MBOAT7: variants seen among roughly 807,000 people sequenced by gnomAD.
The protein encoded by MBOAT7 is membrane bound acylglycerophosphatidylinositol O-acyltransferase MBOAT7, also known as membrane-bound acylglycerophosphatidylinositol O-acyltransferase MBOAT7.
Under a neutral mutation model 47.4 loss-of-function variants are expected in MBOAT7, and 40 were observed. That is an observed-to-expected ratio of 0.84 (90% confidence interval 0.66 to 1.10). MBOAT7 has a LOEUF of 1.10. MBOAT7 is among the 50% of genes least tolerant of loss of function. The pLI, the probability that MBOAT7 is intolerant of heterozygous loss-of-function variation, is 0.00. For synonymous variants in MBOAT7, 361 were observed against 292.0 expected, an observed-to-expected ratio of 1.24 and a Z score of -2.41; for missense variants, 680 against 655.6, an observed-to-expected ratio of 1.04 and a Z score of -0.41.
At chr19:54,188,839 C>A (rs1041084858) in intron 1 of MBOAT7, among the ~76,000 whole-genome samples, 2 of 152,158 alleles carry the variant, frequency 1.3e-5, no homozygotes, top group African/African-American at 4.8e-5. Context: ...CTCCCCGCAC[C>A]CATACTGGGG....
At position 54,173,970 on chromosome 19, in the gene MBOAT7, C is replaced by A. The variant is rs372068130; in HGVS notation, c.*74G>T. 6 of 1,480,214 alleles carry A rather than the reference C, an allele frequency of 4.1e-6. No individual in the cohort carries two copies. The highest frequency in any genetic ancestry group is 5.4e-6 in the Non-Finnish European group (6 of 1,112,078). 91.7% of individuals were successfully genotyped at this position (1,480,214 alleles called of 1,614,324 possible). A position where few individuals can be genotyped will look rare whatever the true frequency, so the allele number is the denominator to read the frequency against. On this transcript the variant is annotated 3_prime_UTR_variant, in exon 8 of 8. Transcript: ENST00000245615. ...CAGGACCCTCTCCAAGGTAAGGACT[C>A]TTTCTGGGGAGGAGACAGCAGCCTG... is the stretch of plus-strand genomic sequence containing the variant.
chr19:54,187,129 G>T, intron 4 of MBOAT7, 32 bp downstream of exon 4: 1 of 1,539,394 alleles, frequency 6.5e-7, no homozygotes. Flanking sequence ...CCACAGGGAG[G>T]CTGGAGGGGA....
intron 4 of MBOAT7, among the ~76,000 whole-genome samples, chr19:54,184,677 C>T (rs903519858): frequency 6.6e-6 from 1 of 151,936 alleles, no homozygotes; most frequent in Admixed American, 6.6e-5. Context: ...CCGAGGCAGG[C>T]GGATCACCTG....
intron 7 of MBOAT7, among the ~76,000 whole-genome samples, chr19:54,175,905 G>A (rs566799858): frequency 3.3e-5 from 5 of 152,140 alleles, no homozygotes; most frequent in Admixed American, 6.5e-5. Context: ...TTGTATTTCT[G>A]GTAAAGACGG....
intron 7 of MBOAT7, 88 bp from the exon 8 acceptor site, chr19:54,174,519 C>G: frequency 4.4e-6 from 6 of 1,352,918 alleles, no homozygotes; most frequent in Non-Finnish European, 5.8e-6. Flanking sequence ...ACCCCAGCCC[C>G]TCCTCCCTCA....
In MBOAT7 at chr19:54,188,316, G is replaced by A; in HGVS notation, c.107C>T (p.Ala36Val). 6.2e-7 allele frequency: 1 copy of A among 1,613,982 alleles called. No individual in the cohort carries two copies. Reference sequence around the variant, plus strand: ...GAACAGGGTGAGCCCCAGGCCCACAGCGGCTGCTCCCCATCTCTTCAGCCC... The same window carrying A: ...GAACAGGGTGAGCCCCAGGCCCACAACGGCTGCTCCCCATCTCTTCAGCCC... ...GPGLKRWGAA[A>V]VGLGLTLFTC... Residue 36 changes from alanine to valine, a missense_variant, in exon 3 of 8, where the codon GCT becomes GTT. Coordinates refer to ENST00000245615, the MANE Select transcript of MBOAT7 (RefSeq NM_024298.5).
At chr19:54,178,492 G>T (rs1431237676) in intron 7 of MBOAT7, 2 of 1,338,568 alleles carry the variant, frequency 1.5e-6, no homozygotes, top group Non-Finnish European at 1.9e-6. Flanking sequence ...ATTCCAGGAA[G>T]GCTGGCTATT....
Position 54,187,307 on chromosome 19 carries a change from G to C in MBOAT7, c.207-20C>G. ...CAGGAGCTGGGCAAAAGCAGGAGGC[G>C]CACTGTGTTGGGCACAGAAGTCTCG... On this transcript the variant is annotated intron_variant, in intron 3 of 7. Coordinates refer to ENST00000245615, the MANE Select transcript of MBOAT7 (RefSeq NM_024298.5). 6.3e-7 allele frequency: 1 copy of C among 1,596,726 alleles called. No individual in the cohort carries two copies. The highest frequency in any genetic ancestry group is 1.1e-5 in the South Asian group (1 of 88,326).
intron 5 of MBOAT7, among the ~76,000 whole-genome samples, chr19:54,183,096 C>T (rs1334189629): frequency 6.6e-6 from 1 of 152,158 alleles, no homozygotes; most frequent in Non-Finnish European, 1.5e-5. Flanking sequence ...GAACTTTTGG[C>T]CTCAAGCAAT....
In MBOAT7 at chr19:54,180,577, G is replaced by A. The variant is rs192986050; in HGVS notation, c.854+196C>T. 1,703 of 582,194 alleles carry A rather than the reference G, an allele frequency of 2.9e-3. 9 individuals are homozygous for A. Among genetic ancestry groups the A allele is most frequent in the Non-Finnish European group, 4.2e-3 (1,418 of 335,836 alleles). The allele number at this position is 582,194 out of a possible 1,614,324, so 36.1% of individuals were successfully genotyped here. A position where few individuals can be genotyped will look rare whatever the true frequency, so the allele number is the denominator to read the frequency against. On this transcript the variant is annotated intron_variant, in intron 6 of 7. Transcript: ENST00000245615. This position sits in a 1 kb window ranked among gnomAD's most constrained non-coding sequence, Gnocchi z 5.2. ...GGGGTGACAAGCGCTAGCAACAAGG[G>A]GCATCTGTCAGTACCAGGGATCTTT...
chr19:54,184,233 G>A (rs1307176263), intron 4 of MBOAT7, among the ~76,000 whole-genome samples: 2 of 147,930 alleles, frequency 1.4e-5, no homozygotes, highest in Non-Finnish European at 3.0e-5. Context: ...TGTGATCTCG[G>A]CTCACTGCAA....
chr19:54,174,438 A>AG lies in MBOAT7; in HGVS notation c.1032-8dup. 6.5e-7 allele frequency: 1 copy of AG among 1,534,448 alleles called. No individual in the cohort carries two copies. Among genetic ancestry groups the AG allele is most frequent in the Non-Finnish European group, 8.8e-7 (1 of 1,141,500 alleles). Reference sequence around the variant, plus strand: ...CAGCATGGTCCAGGCGCTCCTGAGGAGGAGGCTGGGAGTCAGGACCTACGA... The same window carrying AG: ...CAGCATGGTCCAGGCGCTCCTGAGGAGGGAGGCTGGGAGTCAGGACCTACGA... On this transcript the variant is annotated splice_polypyrimidine_tract_variant and splice_region_variant and intron_variant, in intron 7 of 7. Coordinates refer to ENST00000245615, the MANE Select transcript of MBOAT7 (RefSeq NM_024298.5).
At chr19:54,176,751 T>A (rs1157539880) in intron 7 of MBOAT7, among the ~76,000 whole-genome samples, 3 of 152,036 alleles carry the variant, frequency 2.0e-5, no homozygotes, top group African/African-American at 7.2e-5. Context: ...GCCCCAGAGC[T>A]TTAAGCGTCA....
At chr19:54,178,716 G>C in intron 7 of MBOAT7, 49 bp downstream of exon 7, 1 of 1,597,836 alleles carries the variant, frequency 6.3e-7, no homozygotes, top group Non-Finnish European at 8.5e-7. Context: ...GGGGCCTGCT[G>C]GGAGATGTAG....
chr19:54,177,283 G>A (rs558786837), intron 7 of MBOAT7, among the ~76,000 whole-genome samples: 15 of 151,698 alleles, frequency 9.9e-5, no homozygotes, highest in Non-Finnish European at 1.9e-4. Context: ...ATTTTTGTTT[G>A]TTTTTTGTGT....
At chr19:54,178,652 T>C (rs2076176555) in intron 7 of MBOAT7, 113 bp downstream of exon 7, 1 of 1,474,508 alleles carries the variant, frequency 6.8e-7, no homozygotes, top group Non-Finnish European at 9.0e-7. Flanking sequence ...CAAACTACAA[T>C]TCCCATGAGC....
At position 54,175,136 on chromosome 19, in the gene MBOAT7, C is replaced by G. The variant is rs554693007; in HGVS notation, c.1032-705G>C. ...GACTACAGGCGCCTGCCACCACGCC[C>G]GGCTAATTTTCTTTTCTATTTTTAG... On this transcript the variant is annotated intron_variant, in intron 7 of 7. Coordinates refer to ENST00000245615, the MANE Select transcript of MBOAT7 (RefSeq NM_024298.5). 1.6e-4 allele frequency among the ~76,000 whole-genome samples: 24 copies of G among 152,108 alleles called. No homozygotes were observed. The South Asian group carries it at 5.0e-3, about 32-fold the overall frequency.
chr19:54,186,987 G>A, intron 4 of MBOAT7, 174 bp downstream of exon 4: 1 of 798,930 alleles, frequency 1.3e-6, no homozygotes, highest in Non-Finnish European at 1.9e-6. Flanking sequence ...GTGAAGACCT[G>A]CCCAAGGGCA....
intron 7 of MBOAT7, 94 bp from the exon 8 acceptor site, chr19:54,174,525 C>T: frequency 2.3e-6 from 3 of 1,318,386 alleles, no homozygotes; most frequent in African/African-American, 1.5e-5. Flanking sequence ...GCCCCTCCTC[C>T]CTCAGACCGA....
Sources: gnomAD v4.1 joint callset for allele counts (sites outside exome capture counted in the v4.1 genomes callset) on GRCh38, gnomAD v4.1.1 for gene constraint, Gnocchi (gnomAD v3.1) non-coding constraint, MANE v1.5 for transcripts, NCBI Gene and HGNC (gene_info 2026-07-23, HGNC 2026-07-21) for gene names.